AGBL1: variants seen among roughly 807,000 people sequenced by gnomAD.
The protein encoded by AGBL1 is cytosolic carboxypeptidase 4.
In AGBL1, 130 loss-of-function variants were observed where a neutral mutation model predicts 118.9. The ratio of observed to expected loss-of-function variants is 1.09; its 90% CI spans 0.95 to 1.26. The LOEUF is 1.26. Ranked by LOEUF, AGBL1 falls within the 50% of genes most tolerant of loss-of-function variation. The pLI is 0.00. For synonymous variants in AGBL1, 555 were observed against 478.9 expected (o/e 1.16, Z -2.08); for missense variants, 1,584 against 1,298.1 (o/e 1.22, Z -3.38).
chr15:86,251,112 T>C lies in AGBL1; in HGVS notation c.735+3233T>C, dbSNP rs945062767. ...AGCAATTTATGCAGACTCTCCAATA[T>C]TGATAATTTCAAAAGCTTTTGAGGT... On this transcript the variant is annotated intron_variant, in intron 7 of 22. Coordinates refer to ENST00000614907, the MANE Select transcript of AGBL1 (RefSeq NM_001386094.1). Among the ~76,000 whole-genome samples the C allele has an allele frequency of 3.9e-5, 6 of 152,342 alleles. No homozygotes were observed. In the East Asian group the frequency reaches 1.2e-3, roughly 29 times the overall value.
intron 22 of AGBL1, among the ~76,000 whole-genome samples, chr15:86,842,229 AAAAG>A (rs1338782687): frequency 1.3e-5 from 2 of 152,306 alleles, no homozygotes; most frequent in African/African-American, 4.8e-5. Context: ...AAAAAAAAAA[AAAAG>A]TGCAACTTCA....
At chr15:86,605,311 A>T (rs2084559853) in intron 21 of AGBL1, among the ~76,000 whole-genome samples, 1 of 151,680 alleles carries the variant, frequency 6.6e-6, no homozygotes, top group Non-Finnish European at 1.5e-5. Flanking sequence ...TGACTTTTTA[A>T]ATAAAAAAAA....
intron 6 of AGBL1, among the ~76,000 whole-genome samples, chr15:86,244,250 A>T (rs2078685750): frequency 6.6e-6 from 1 of 152,070 alleles, no homozygotes; most frequent in Admixed American, 6.6e-5. Context: ...GCCCTCTCAC[A>T]TCTCTCAACT....
At chr15:86,378,241 C>G (rs544332837) in intron 17 of AGBL1, among the ~76,000 whole-genome samples, 5 of 152,286 alleles carry the variant, frequency 3.3e-5, no homozygotes, top group African/African-American at 4.8e-5. Flanking sequence ...GTGCTGTCTG[C>G]CCCACTCAGG....
chr15:86,927,752 T>C (rs72754062), intron 23 of AGBL1, among the ~76,000 whole-genome samples: 5,958 of 152,180 alleles, frequency 0.039, 157 homozygotes, highest in Middle Eastern at 0.071. Context: ...ACTAGAAATG[T>C]CAATCATTGT....
chr15:86,792,059 T>G (rs2078502127), intron 22 of AGBL1, among the ~76,000 whole-genome samples: 1 of 152,174 alleles, frequency 6.6e-6, no homozygotes, highest in Non-Finnish European at 1.5e-5. Context: ...TCTAACACAA[T>G]TCCTTGCCTC....
At chr15:86,407,868 C>T (rs935523407) in intron 18 of AGBL1, among the ~76,000 whole-genome samples, 1 of 151,994 alleles carries the variant, frequency 6.6e-6, no homozygotes, top group Non-Finnish European at 1.5e-5. Context: ...TCCCATGATT[C>T]GCTGGTCCAC....
chr15:86,217,068 C>T (rs909362060), intron 5 of AGBL1, among the ~76,000 whole-genome samples: 3 of 152,228 alleles, frequency 2.0e-5, no homozygotes, highest in Non-Finnish European at 2.9e-5. Context: ...TCTTGTAACC[C>T]ATTCCTCTAC....
chr15:86,347,548 A>G (rs1179443548), intron 17 of AGBL1, among the ~76,000 whole-genome samples: 1 of 152,246 alleles, frequency 6.6e-6, no homozygotes, highest in African/African-American at 2.4e-5. Context: ...CCACAGCTAT[A>G]ATTGCTCACT....
At chr15:86,143,522 C>A (rs1038429393) in intron 2 of AGBL1, among the ~76,000 whole-genome samples, 177 bp from the exon 3 acceptor site, 16 of 152,230 alleles carry the variant, frequency 1.1e-4, no homozygotes, top group Admixed American at 3.3e-4. Flanking sequence ...TATTTCACAA[C>A]CCTCTTCCCT....
chr15:86,529,311 G>A (rs1168506413), intron 19 of AGBL1, among the ~76,000 whole-genome samples: 1 of 135,372 alleles, frequency 7.4e-6, no homozygotes, highest in East Asian at 2.0e-4. Flanking sequence ...CGTGAAGAAT[G>A]CAGAAGCCTC....
chr15:87,009,460 C>A (rs1015000806), intron 24 of AGBL1, among the ~76,000 whole-genome samples: 1 of 152,310 alleles, frequency 6.6e-6, no homozygotes. Context: ...GGAGCAGGGC[C>A]TCATGGAGAA....
intron 22 of AGBL1, among the ~76,000 whole-genome samples, chr15:86,793,989 T>A (rs2078535091): frequency 6.6e-6 from 1 of 152,212 alleles, no homozygotes; most frequent in African/African-American, 2.4e-5. Flanking sequence ...GGAAACTTAA[T>A]ACATTGCTGG....
chr15:86,682,289 C>T (rs1014249569), intron 22 of AGBL1, among the ~76,000 whole-genome samples: 5 of 152,052 alleles, frequency 3.3e-5, no homozygotes, highest in African/African-American at 9.7e-5. Context: ...ACTGATTGGC[C>T]AGAAGAAGTG....
At chr15:86,835,769 G>C (rs886848963) in intron 22 of AGBL1, among the ~76,000 whole-genome samples, 7 of 152,142 alleles carry the variant, frequency 4.6e-5, no homozygotes, top group African/African-American at 1.7e-4. Context: ...CCTGGGCAGG[G>C]AACAAAGGGT....
intron 22 of AGBL1, among the ~76,000 whole-genome samples, chr15:86,679,799 A>G (rs1457342010): frequency 6.6e-6 from 1 of 152,178 alleles, no homozygotes; most frequent in African/African-American, 2.4e-5. Context: ...TTTAGTATCT[A>G]GAAAAATAAC....
intron 23 of AGBL1, among the ~76,000 whole-genome samples, chr15:86,972,827 G>A (rs2081123828): frequency 6.6e-6 from 1 of 151,912 alleles, no homozygotes; most frequent in Admixed American, 6.6e-5. Context: ...TTAAAACTTA[G>A]TTTTTCACAA....
At chr15:86,806,131 A>G (rs894683714) in intron 22 of AGBL1, among the ~76,000 whole-genome samples, 2 of 152,118 alleles carry the variant, frequency 1.3e-5, no homozygotes, top group East Asian at 1.9e-4. Context: ...ACACAAAGAC[A>G]TATTCCAGAA....
chr15:86,570,265 C>T (rs933479661), intron 21 of AGBL1, among the ~76,000 whole-genome samples: 2 of 152,178 alleles, frequency 1.3e-5, no homozygotes, highest in African/African-American at 4.8e-5. Context: ...ACTGGTAGGA[C>T]CTTGAACCCA....
Sources: allele counts gnomAD v4.1 joint callset (sites outside exome capture counted in the v4.1 genomes callset), GRCh38; gene constraint gnomAD v4.1.1; transcripts MANE v1.5; gene names NCBI Gene and HGNC (gene_info 2026-07-23, HGNC 2026-07-21).